FOXN3: variants seen among roughly 807,000 people sequenced by gnomAD.
FOXN3 encodes the protein forkhead box N3.
In FOXN3, 7 loss-of-function variants were observed where a neutral mutation model predicts 38.4. The observed-to-expected ratio is 0.18, with a 90% CI of 0.10 to 0.34. The LOEUF is 0.34. Ranked by LOEUF, FOXN3 falls within the 10% of genes least tolerant of loss-of-function variation. The pLI, the probability that FOXN3 is intolerant of heterozygous loss-of-function variation, is 1.00. For synonymous variants in FOXN3, 230 were observed against 242.2 expected, an observed-to-expected ratio of 0.95 and a Z score of 0.47; for missense variants, 456 against 613.4, an observed-to-expected ratio of 0.74 and a Z score of 2.71.
At chr14:89,176,438 C>G (rs1887520569) in intron 5 of FOXN3, among the ~76,000 whole-genome samples, 1 of 152,210 alleles carries the variant, frequency 6.6e-6, no homozygotes, top group South Asian at 2.1e-4. Context: ...ACCTGTCACA[C>G]AAAAGAGAGT....
At chr14:89,182,836 C>T (rs1023164913) in intron 4 of FOXN3, among the ~76,000 whole-genome samples, 10 of 152,128 alleles carry the variant, frequency 6.6e-5, no homozygotes, top group Admixed American at 3.9e-4. Flanking sequence ...ATGTGGTCAA[C>T]GGATTTTTGA....
rs1889484820 is a variant in FOXN3, at chr14:89,360,751, C to CCACCACCTCCAG, written c.544-9944_544-9943insCTGGAGGTGGTG. ...ACCACCACCTCCAGCACCACCTCCA[C>CCACCACCTCCAG]CACCACCTCCACCACTACCACCTCC... On this transcript the variant is annotated intron_variant, in intron 2 of 5. Transcript: ENST00000557258. 2.3e-5 allele frequency among the ~76,000 whole-genome samples: 2 copies of CCACCACCTCCAG among 85,886 alleles called. 1 individual carries two copies. The highest frequency in any genetic ancestry group is 2.4e-4 in the Admixed American group (2 of 8,470). The allele number at this position is 85,886 out of a possible 152,430, so 56.3% of individuals were successfully genotyped here. A position where few individuals can be genotyped will look rare whatever the true frequency, so the allele number is the denominator to read the frequency against.
At chr14:89,219,222 C>T (rs1029924744) in intron 4 of FOXN3, among the ~76,000 whole-genome samples, 4 of 152,098 alleles carry the variant, frequency 2.6e-5, no homozygotes, top group Non-Finnish European at 4.4e-5. Context: ...TGAGTTCTCA[C>T]GAGATCTGAT....
intron 3 of FOXN3, among the ~76,000 whole-genome samples, chr14:89,305,777 G>A (rs1009739122): frequency 2.6e-5 from 4 of 152,132 alleles, no homozygotes; most frequent in Non-Finnish European, 5.9e-5. Flanking sequence ...CTTATTAAAC[G>A]GATCTAACTA....
At chr14:89,337,421 C>A (rs948033404) in intron 3 of FOXN3, among the ~76,000 whole-genome samples, 6 of 152,150 alleles carry the variant, frequency 3.9e-5, no homozygotes, top group African/African-American at 1.4e-4. Context: ...AGAGAAAGAA[C>A]ACAATTGAGT....
At chr14:89,511,278 T>C (rs368712648) in intron 1 of FOXN3, among the ~76,000 whole-genome samples, 3,017 of 58,244 alleles carry the variant, frequency 0.052, 898 homozygotes, top group Non-Finnish European at 0.069. Flanking sequence ...TTTCTTTCTT[T>C]CTTTCTTTCT....
chr14:89,449,916 G>C (rs1263070841), intron 1 of FOXN3, among the ~76,000 whole-genome samples: 5 of 152,208 alleles, frequency 3.3e-5, no homozygotes. Context: ...AAGGGGAAGA[G>C]ACAATGGGGG....
At chr14:89,364,597 C>T (rs1890080405) in intron 2 of FOXN3, 1 of 152,078 alleles carries the variant, frequency 6.6e-6, no homozygotes, top group Non-Finnish European at 1.5e-5. Context: ...TCAAACTCAC[C>T]GACATGTCCT....
intron 1 of FOXN3, among the ~76,000 whole-genome samples, chr14:89,553,398 T>C (rs989144680): frequency 6.6e-6 from 1 of 151,080 alleles, no homozygotes. Flanking sequence ...TGTGGGTTAA[T>C]TGAGTTAAAA....
chr14:89,579,995 G>GA (rs113565314), intron 1 of FOXN3, among the ~76,000 whole-genome samples: 1,041 of 65,146 alleles, frequency 0.016, 11 homozygotes, highest in South Asian at 0.07. Flanking sequence ...TTCCTATTCT[G>GA]AAAAGAAAAA....
chr14:89,213,174 A>C (rs372054041), intron 4 of FOXN3, among the ~76,000 whole-genome samples: 2 of 152,028 alleles, frequency 1.3e-5, no homozygotes, highest in Non-Finnish European at 2.9e-5. Flanking sequence ...CTCTCCCCCA[A>C]CCTTCCATAC....
chr14:89,310,015 C>T (rs1186550455), intron 3 of FOXN3, among the ~76,000 whole-genome samples: 12 of 152,184 alleles, frequency 7.9e-5, no homozygotes, highest in African/African-American at 2.9e-4. Context: ...CCTACCCATG[C>T]GGGGGTGGGG....
At chr14:89,435,355 C>G (rs1243409908) in intron 1 of FOXN3, among the ~76,000 whole-genome samples, 1 of 147,908 alleles carries the variant, frequency 6.8e-6, no homozygotes, top group African/African-American at 2.5e-5. Context: ...CTGGGTGACA[C>G]AGCAAGACCC....
intron 3 of FOXN3, among the ~76,000 whole-genome samples, chr14:89,306,151 G>A (rs1887362827): frequency 6.6e-6 from 1 of 152,172 alleles, no homozygotes; most frequent in African/African-American, 2.4e-5. Flanking sequence ...AGAATTCTCT[G>A]TGTGGAGAAG....
intron 1 of FOXN3, among the ~76,000 whole-genome samples, chr14:89,436,105 T>C (rs964375147): frequency 1.3e-5 from 2 of 151,508 alleles, no homozygotes; most frequent in African/African-American, 2.4e-5. Context: ...CCTCCCAAAA[T>C]GCTGAGATCA....
chr14:89,569,521 T>G (rs548709505), intron 1 of FOXN3, among the ~76,000 whole-genome samples: 25 of 152,278 alleles, frequency 1.6e-4, no homozygotes, highest in African/African-American at 5.8e-4. Flanking sequence ...ACTTAAAATG[T>G]ATGGCTACTT....
intron 2 of FOXN3, among the ~76,000 whole-genome samples, chr14:89,393,409 A>G (rs1294627151): frequency 2.0e-5 from 3 of 152,208 alleles, no homozygotes; most frequent in Non-Finnish European, 4.4e-5. Context: ...TCACCCCTGA[A>G]CACCTGCTTA....
intron 4 of FOXN3, among the ~76,000 whole-genome samples, chr14:89,261,480 C>T (rs1885798448): frequency 6.6e-6 from 1 of 152,150 alleles, no homozygotes; most frequent in Non-Finnish European, 1.5e-5. Flanking sequence ...TCTACCTTTC[C>T]ATATTTCTGA....
intron 2 of FOXN3, among the ~76,000 whole-genome samples, chr14:89,371,560 A>G (rs960937592): frequency 6.6e-6 from 1 of 151,550 alleles, no homozygotes; most frequent in Non-Finnish European, 1.5e-5. Flanking sequence ...TCCTCTCCCC[A>G]GTCTATATTA....
Sources: allele counts gnomAD v4.1 joint callset (sites outside exome capture counted in the v4.1 genomes callset), GRCh38; gene constraint gnomAD v4.1.1; transcripts MANE v1.5; gene names NCBI Gene and HGNC (gene_info 2026-07-23, HGNC 2026-07-21).